Variants in SPOCK3 observed in about 807,000 individuals in gnomAD.
The protein encoded by SPOCK3 is testican-3.
In SPOCK3, 30 loss-of-function variants were observed where a neutral mutation model predicts 56.6. The observed-to-expected ratio is 0.53, with a 90% CI of 0.40 to 0.72. The LOEUF (loss-of-function observed/expected upper bound fraction) is 0.72. SPOCK3 is among the 30% of genes least tolerant of loss of function. The pLI is 0.00. For synonymous variants in SPOCK3, 196 were observed against 183.3 expected (o/e 1.07, Z -0.56); for missense variants, 527 against 530.0 (o/e 0.99, Z 0.06).
intron 4 of SPOCK3, among the ~76,000 whole-genome samples, chr4:166,997,483 AG>A (rs1748504557): frequency 6.6e-6 from 1 of 152,142 alleles, no homozygotes; most frequent in South Asian, 2.1e-4. Context: ...GTTTAAACCT[AG>A]ATTATCTAGA....
chr4:166,791,966 C>T (rs1741406228), intron 7 of SPOCK3, among the ~76,000 whole-genome samples: 1 of 152,120 alleles, frequency 6.6e-6, no homozygotes, highest in African/African-American at 2.4e-5. Flanking sequence ...GGAGACATTC[C>T]CTTTTCCTCC....
intron 2 of SPOCK3, among the ~76,000 whole-genome samples, chr4:167,126,765 C>A (rs562989292): frequency 7.2e-5 from 11 of 152,104 alleles, no homozygotes; most frequent in Non-Finnish European, 1.3e-4. Context: ...AAACCACATA[C>A]GCAGTAACAC....
intron 2 of SPOCK3, among the ~76,000 whole-genome samples, chr4:167,071,228 TAA>T (rs1302844180): frequency 1.2e-4 from 18 of 151,956 alleles, no homozygotes; most frequent in African/African-American, 4.1e-4. Context: ...CCTCAATAAA[TAA>T]ATTAAGAATC....
chr4:166,969,489 A>AAATGTGTTTAACACTTTTAACACATTT (rs1745134588), intron 4 of SPOCK3, among the ~76,000 whole-genome samples: 1 of 123,808 alleles, frequency 8.1e-6, no homozygotes, highest in African/African-American at 4.6e-5. Context: ...CTAGTTGTTT[A>AAATGTGTTTAACACTTTTAACACATTT]AATGTGTTTA....
intron 3 of SPOCK3, among the ~76,000 whole-genome samples, chr4:167,033,699 T>A (rs1752482477): frequency 6.6e-6 from 1 of 151,914 alleles, no homozygotes; most frequent in South Asian, 2.1e-4. Context: ...TCAGGGAATC[T>A]TCCTTGCCTG....
intron 4 of SPOCK3, among the ~76,000 whole-genome samples, chr4:166,919,452 C>T (rs1278330810): frequency 1.3e-5 from 2 of 152,108 alleles, no homozygotes; most frequent in African/African-American, 4.8e-5. Flanking sequence ...TAAACTCTTT[C>T]AAAATTTCAA....
intron 2 of SPOCK3, among the ~76,000 whole-genome samples, chr4:167,137,887 T>C (rs1346686649): frequency 1.3e-5 from 2 of 151,902 alleles, no homozygotes; most frequent in Admixed American, 6.6e-5. Context: ...TGTTCTAACA[T>C]GACTCTTCTA....
intron 2 of SPOCK3, among the ~76,000 whole-genome samples, chr4:167,220,875 G>A (rs1735845838): frequency 6.6e-6 from 1 of 152,048 alleles, no homozygotes; most frequent in Non-Finnish European, 1.5e-5. Context: ...ACTAATGAAG[G>A]ACAGGCAACT....
chr4:166,945,291 C>G (rs979814167), intron 4 of SPOCK3, among the ~76,000 whole-genome samples: 4 of 151,790 alleles, frequency 2.6e-5, no homozygotes, highest in African/African-American at 9.7e-5. Context: ...TATGTACATC[C>G]ATATATACAT....
chr4:167,025,656 C>T (rs1751630759), intron 3 of SPOCK3, among the ~76,000 whole-genome samples: 1 of 151,908 alleles, frequency 6.6e-6, no homozygotes, highest in African/African-American at 2.4e-5. Flanking sequence ...TGTGTTATCC[C>T]AAACTAGTAC....
At chr4:166,790,969 T>C (rs576684007) in intron 7 of SPOCK3, among the ~76,000 whole-genome samples, 9 of 152,316 alleles carry the variant, frequency 5.9e-5, no homozygotes, top group Admixed American at 2.0e-4. Flanking sequence ...ATTATTTCTA[T>C]TAGGCAAGTT....
intron 7 of SPOCK3, among the ~76,000 whole-genome samples, chr4:166,785,706 T>C (rs932156665): frequency 2.6e-5 from 4 of 152,150 alleles, no homozygotes; most frequent in Non-Finnish European, 5.9e-5. Context: ...AAAAGCAAAA[T>C]ATCTTTCCAT....
chr4:166,830,846 A>T (rs765948936), intron 6 of SPOCK3, among the ~76,000 whole-genome samples: 1 of 152,190 alleles, frequency 6.6e-6, no homozygotes, highest in Non-Finnish European at 1.5e-5. Context: ...TAACATCTAA[A>T]AAAAGCTAGA....
chr4:167,136,074 T>C (rs1389528908), intron 2 of SPOCK3, among the ~76,000 whole-genome samples: 2 of 152,056 alleles, frequency 1.3e-5, no homozygotes, highest in Non-Finnish European at 2.9e-5. Flanking sequence ...TCTCAAAGTG[T>C]GAACTCCAAG....
intron 6 of SPOCK3, among the ~76,000 whole-genome samples, chr4:166,800,361 A>T (rs1312040648): frequency 6.6e-6 from 1 of 152,078 alleles, no homozygotes; most frequent in Admixed American, 6.5e-5. Context: ...CACCTCCTCA[A>T]GAAAAGCCTT....
In SPOCK3 at chr4:166,951,971, A is replaced by G. The variant is rs1742696084; in HGVS notation, c.351-39228T>C. On this transcript the variant is annotated intron_variant, in intron 4 of 10. Coordinates refer to ENST00000357545, the MANE Select transcript of SPOCK3 (RefSeq NM_001040159.2). ...GCTATCTATGACAAACCCACAGCCA[A>G]TATCATACTGAATGGGCAAAAACTG... is the stretch of plus-strand genomic sequence containing the variant. Among the ~76,000 whole-genome samples, 10 of 152,224 alleles carry G rather than the reference A, an allele frequency of 6.6e-5. No homozygotes were observed. The South Asian group carries it at 2.1e-3, about 32-fold the overall frequency.
intron 6 of SPOCK3, among the ~76,000 whole-genome samples, chr4:166,870,600 G>A (rs901600044): frequency 1.3e-5 from 2 of 151,996 alleles, no homozygotes; most frequent in East Asian, 3.9e-4. Flanking sequence ...ATAATTCTAA[G>A]TAACCCACAA....
intron 4 of SPOCK3, among the ~76,000 whole-genome samples, chr4:166,957,143 T>C (rs1440326275): frequency 1.3e-5 from 2 of 152,094 alleles, no homozygotes; most frequent in African/African-American, 4.8e-5. Context: ...TAGTCCCAGC[T>C]ACTGGGAGGC....
At chr4:166,915,593 C>T (rs1013533344) in intron 4 of SPOCK3, among the ~76,000 whole-genome samples, 6 of 152,018 alleles carry the variant, frequency 3.9e-5, no homozygotes, top group African/African-American at 1.4e-4. Context: ...TAAGAGAGAG[C>T]AACGTGTTTC....
Sources: gnomAD v4.1 joint callset for allele counts (sites outside exome capture counted in the v4.1 genomes callset) on GRCh38, gnomAD v4.1.1 for gene constraint, MANE v1.5 for transcripts, NCBI Gene and HGNC (gene_info 2026-07-23, HGNC 2026-07-21) for gene names.